TMCC1: variants seen among roughly 807,000 people sequenced by gnomAD.
TMCC1 encodes transmembrane and coiled-coil domains protein 1.
Under a neutral mutation model 52.4 loss-of-function variants are expected in TMCC1, and 15 were observed. The ratio of observed to expected loss-of-function variants is 0.29; its 90% CI spans 0.19 to 0.44. The LOEUF (loss-of-function observed/expected upper bound fraction) is 0.44, where lower values mean the gene tolerates loss of function less well. TMCC1 is among the 20% of genes least tolerant of loss of function. The probability of loss-of-function intolerance (pLI) is 1.00; values close to 1 mark genes in which losing one functional copy is unlikely to be tolerated. For synonymous variants in TMCC1, 279 were observed against 301.9 expected (o/e 0.92, Z 0.79); for missense variants, 503 against 806.0 (o/e 0.62, Z 4.55).
intron 4 of TMCC1, among the ~76,000 whole-genome samples, chr3:129,814,303 A>C (rs1468632388): frequency 2.0e-5 from 3 of 152,172 alleles, no homozygotes; most frequent in Admixed American, 6.6e-5. Context: ...CTTTGTTTCT[A>C]ATCTTTTCTT....
At chr3:129,863,352 T>C (rs1288685802) in intron 2 of TMCC1, among the ~76,000 whole-genome samples, 1 of 152,138 alleles carries the variant, frequency 6.6e-6, no homozygotes, top group East Asian at 1.9e-4. Context: ...TTTCTTTTAA[T>C]AAAAGGAATC....
chr3:129,829,311 T>C (rs2058798019), intron 3 of TMCC1, among the ~76,000 whole-genome samples: 1 of 151,970 alleles, frequency 6.6e-6, no homozygotes, highest in African/African-American at 2.4e-5. Flanking sequence ...AAAAGCAAAG[T>C]AACTGGGTAG....
At chr3:129,840,054 G>A (rs568926410) in intron 2 of TMCC1, among the ~76,000 whole-genome samples, 14 of 150,388 alleles carry the variant, frequency 9.3e-5, no homozygotes, top group African/African-American at 3.2e-4. Context: ...CAGGCCGGGT[G>A]TAATGGCTCA....
intron 4 of TMCC1, among the ~76,000 whole-genome samples, chr3:129,785,933 CTT>C (rs11391336): frequency 2.1e-4 from 27 of 127,602 alleles, no homozygotes; most frequent in Admixed American, 7.7e-4. Flanking sequence ...CCCTCACCCC[CTT>C]TTTTTTTTTT....
intron 4 of TMCC1, among the ~76,000 whole-genome samples, chr3:129,823,627 A>AAAAC (rs146057192): frequency 0.014 from 2,088 of 152,212 alleles, 44 homozygotes; most frequent in East Asian, 0.098. Context: ...AGATCCCTGA[A>AAAAC]AAACAAACAA....
intron 1 of TMCC1, among the ~76,000 whole-genome samples, chr3:129,887,385 T>C (rs2061759640): frequency 6.6e-6 from 1 of 151,244 alleles, no homozygotes; most frequent in African/African-American, 2.4e-5. Context: ...CTATTAAAAA[T>C]ACAAAAATTA....
chr3:129,796,915 A>G (rs2107762548), intron 4 of TMCC1, among the ~76,000 whole-genome samples: 1 of 152,330 alleles, frequency 6.6e-6, no homozygotes, highest in South Asian at 2.1e-4. Flanking sequence ...TAAGAAACAC[A>G]AAAAAATGAA....
chr3:129,791,213 C>A (rs1235225021), intron 4 of TMCC1, among the ~76,000 whole-genome samples: 1 of 151,650 alleles, frequency 6.6e-6, no homozygotes, highest in Non-Finnish European at 1.5e-5. Context: ...CCTGCCTCAG[C>A]CTCCTGAGTA....
intron 2 of TMCC1, among the ~76,000 whole-genome samples, chr3:129,849,153 T>G (rs2059797462): frequency 6.6e-6 from 1 of 152,188 alleles, no homozygotes; most frequent in South Asian, 2.1e-4. Context: ...ATTAGACTAG[T>G]GCATTTATTT....
chr3:129,861,858 T>A (rs1416008901), intron 2 of TMCC1, among the ~76,000 whole-genome samples: 5 of 152,204 alleles, frequency 3.3e-5, no homozygotes, highest in Admixed American at 2.0e-4. Context: ...TCCTAGCAAT[T>A]CCATTTCTAG....
At chr3:129,780,427 C>T (rs1478630977) in intron 4 of TMCC1, among the ~76,000 whole-genome samples, 2 of 152,020 alleles carry the variant, frequency 1.3e-5, no homozygotes, top group African/African-American at 4.8e-5. Context: ...ACCTCCACCC[C>T]TCCACCCCTC....
chr3:129,822,532 T>A (rs1317158634), intron 4 of TMCC1, among the ~76,000 whole-genome samples: 2 of 152,232 alleles, frequency 1.3e-5, no homozygotes, highest in Non-Finnish European at 2.9e-5. Flanking sequence ...TCAAACAAGC[T>A]GATCTAGCAA....
intron 2 of TMCC1, among the ~76,000 whole-genome samples, chr3:129,860,465 C>T (rs1199484812): frequency 6.6e-6 from 1 of 152,108 alleles, no homozygotes; most frequent in African/African-American, 2.4e-5. Context: ...TATCAAGATA[C>T]AAATATGTGT....
chr3:129,739,342 A>G (rs1478745754), intron 4 of TMCC1, among the ~76,000 whole-genome samples: 3 of 151,816 alleles, frequency 2.0e-5, no homozygotes, highest in Admixed American at 6.6e-5. Context: ...TAATTTTTGT[A>G]TTTTCAGTAG....
chr3:129,679,413 C>T (rs2108913283), intron 4 of TMCC1, among the ~76,000 whole-genome samples: 1 of 152,284 alleles, frequency 6.6e-6, no homozygotes, highest in South Asian at 2.1e-4. Context: ...TTAAGTGATT[C>T]TTCTGCCTCA....
At chr3:129,734,904 A>ATTTTTTT (rs139829106) in intron 4 of TMCC1, among the ~76,000 whole-genome samples, 3 of 142,102 alleles carry the variant, frequency 2.1e-5, no homozygotes, top group Non-Finnish European at 4.6e-5. Flanking sequence ...TCTGTTCGAA[A>ATTTTTTT]TTTTTTTTTT....
intron 4 of TMCC1, among the ~76,000 whole-genome samples, chr3:129,810,761 C>T (rs2057761988): frequency 6.6e-6 from 1 of 152,202 alleles, no homozygotes; most frequent in African/African-American, 2.4e-5. Flanking sequence ...ATCACATTTA[C>T]AACAACAAAA....
intron 4 of TMCC1, among the ~76,000 whole-genome samples, chr3:129,720,414 C>T (rs2049476651): frequency 6.6e-6 from 1 of 152,172 alleles, no homozygotes; most frequent in Non-Finnish European, 1.5e-5. Flanking sequence ...TTGACAACCT[C>T]ATCCTTATAA....
Position 129,828,588 on chromosome 3 carries a change from A to G in TMCC1, c.-130-80T>C, listed in dbSNP as rs2058760070. 2 of 501,284 alleles carry G rather than the reference A, an allele frequency of 4.0e-6. No homozygotes were observed. Among genetic ancestry groups the G allele is most frequent in the East Asian group, 3.2e-5 (1 of 31,512 alleles). The allele number at this position is 501,284 out of a possible 1,614,324, so 31.1% of individuals were successfully genotyped here. A position where few individuals can be genotyped will look rare whatever the true frequency, so the allele number is the denominator to read the frequency against. On this transcript the variant is annotated intron_variant, in intron 3 of 6. Coordinates refer to ENST00000393238, the MANE Select transcript of TMCC1 (RefSeq NM_001017395.5). The surrounding 1 kb of genome is among the most constrained non-coding windows in gnomAD (Gnocchi z 4.1). Reference sequence around the variant, plus strand: ...TCCATGCAGAAACTCCAGTGTTAAAACAAAGAAAAACATGCTACTGGCCAA... The same window carrying G: ...TCCATGCAGAAACTCCAGTGTTAAAGCAAAGAAAAACATGCTACTGGCCAA...
Sources: allele counts gnomAD v4.1 joint callset (sites outside exome capture counted in the v4.1 genomes callset), GRCh38; gene constraint gnomAD v4.1.1; non-coding constraint Gnocchi (gnomAD v3.1); transcripts MANE v1.5; gene names NCBI Gene and HGNC (gene_info 2026-07-23, HGNC 2026-07-21).